The following CCDC102B variants were observed in gnomAD, a reference collection of about 807,000 sequenced individuals.
CCDC102B encodes coiled-coil domain containing 102B, also known as coiled-coil domain-containing protein 102B.
A neutral mutation model predicts 57.4 loss-of-function variants in CCDC102B; 75 were observed. That is an observed-to-expected ratio of 1.31 (90% confidence interval 1.08 to 1.58). The LOEUF is 1.58. Among genes scored for constraint, CCDC102B ranks in the 40% most tolerant of loss-of-function variants. The pLI is 0.00. For missense variants in CCDC102B, 636 were observed against 582.6 expected, an observed-to-expected ratio of 1.09 and a Z score of -0.94; for synonymous variants, 206 against 201.9, an observed-to-expected ratio of 1.02 and a Z score of -0.17.
At chr18:68,962,582 A>G (rs987785818) in intron 6 of CCDC102B, among the ~76,000 whole-genome samples, 1 of 152,054 alleles carries the variant, frequency 6.6e-6, no homozygotes, top group African/African-American at 2.4e-5. Flanking sequence ...TATATTAAGC[A>G]TTTACATTTA....
intron 6 of CCDC102B, among the ~76,000 whole-genome samples, chr18:68,928,888 A>AG (rs2041570014): frequency 6.6e-6 from 1 of 151,812 alleles, no homozygotes; most frequent in Non-Finnish European, 1.5e-5. Context: ...GAGTCGTGGT[A>AG]TCTAACCTCA....
chr18:69,053,596 ACT>A (rs1438489940), intron 7 of CCDC102B, among the ~76,000 whole-genome samples: 1 of 151,686 alleles, frequency 6.6e-6, no homozygotes, highest in African/African-American at 2.4e-5. Flanking sequence ...TACAAAAGAA[ACT>A]CACACATACA....
intron 4 of CCDC102B, among the ~76,000 whole-genome samples, chr18:68,851,109 T>G (rs116855371): frequency 1.6e-4 from 25 of 152,348 alleles, no homozygotes; most frequent in Non-Finnish European, 1.0e-4. Flanking sequence ...ATATGCTTAA[T>G]ATTTGTGATT....
intron 6 of CCDC102B, among the ~76,000 whole-genome samples, chr18:68,953,874 C>T (rs922132151): frequency 1.3e-5 from 2 of 151,916 alleles, no homozygotes; most frequent in African/African-American, 4.8e-5. Context: ...TTACTTTTAT[C>T]ATGCGCTTTA....
chr18:68,951,327 AG>A (rs2049691403), intron 6 of CCDC102B, among the ~76,000 whole-genome samples: 1 of 152,192 alleles, frequency 6.6e-6, no homozygotes, highest in Admixed American at 6.5e-5. Flanking sequence ...ATAAAATTGG[AG>A]TAGTAAGCAG....
At chr18:69,001,805 AAAG>A (rs1472093173) in intron 6 of CCDC102B, among the ~76,000 whole-genome samples, 1 of 152,212 alleles carries the variant, frequency 6.6e-6, no homozygotes, top group Non-Finnish European at 1.5e-5. Context: ...GTAAGGAAGG[AAAG>A]AAGAAAGGAG....
chr18:68,715,267 C>A, exon 1 of CCDC102B: 2 of 1,316,522 alleles, frequency 1.5e-6, no homozygotes, highest in Non-Finnish European at 1.9e-6. Context: ...AGCGTGGGAA[C>A]CCTGCTTAAG....
At chr18:68,931,178 C>A (rs931407719) in intron 6 of CCDC102B, among the ~76,000 whole-genome samples, 1 of 151,498 alleles carries the variant, frequency 6.6e-6, no homozygotes, top group Non-Finnish European at 1.5e-5. Context: ...ATTGTATTGA[C>A]CAGAGAAATT....
At position 69,054,215 on chromosome 18, in the gene CCDC102B, A is replaced by G. The variant is rs1453597074; in HGVS notation, c.*78A>G. 7.0e-7 allele frequency: 1 copy of G among 1,426,684 alleles called. No homozygotes were observed. The highest frequency in any genetic ancestry group is 9.2e-7 in the Non-Finnish European group (1 of 1,091,892). The allele number at this position is 1,426,684 out of a possible 1,614,324, so 88.4% of individuals were successfully genotyped here. The stretch of plus-strand genomic sequence containing the variant: ...TATCCTTTTCTTAAATATCAGTAAA[A>G]TTGTTTTTATTAACTAGAAATATTA... On this transcript the variant is annotated 3_prime_UTR_variant, in exon 8 of 8. Transcript: ENST00000360242.
At chr18:68,750,995 T>C (rs972372099) in intron 2 of CCDC102B, among the ~76,000 whole-genome samples, 1 of 151,820 alleles carries the variant, frequency 6.6e-6, no homozygotes, top group Non-Finnish European at 1.5e-5. Context: ...AACTCAATAC[T>C]TTTCAGTAGT....
intron 4 of CCDC102B, among the ~76,000 whole-genome samples, chr18:68,847,506 T>C (rs960487177): frequency 1.3e-5 from 2 of 151,930 alleles, no homozygotes; most frequent in African/African-American, 2.4e-5. Flanking sequence ...TAAACCTTTA[T>C]TTGAGTAACA....
intron 6 of CCDC102B, among the ~76,000 whole-genome samples, chr18:68,970,504 C>T (rs920261511): frequency 1.3e-5 from 2 of 151,618 alleles, no homozygotes; most frequent in Non-Finnish European, 2.9e-5. Flanking sequence ...GTAAAGTCTT[C>T]ATCATTTGAT....
intron 2 of CCDC102B, among the ~76,000 whole-genome samples, chr18:68,743,707 G>GA (rs1418523501): frequency 6.6e-6 from 1 of 152,156 alleles, no homozygotes; most frequent in East Asian, 1.9e-4. Flanking sequence ...GAGGTTGAGG[G>GA]AAGACTTGGG....
At chr18:68,983,470 G>T (rs974528502) in intron 6 of CCDC102B, among the ~76,000 whole-genome samples, 1 of 151,914 alleles carries the variant, frequency 6.6e-6, no homozygotes, top group Non-Finnish European at 1.5e-5. Context: ...CATTTGGCTG[G>T]TTGGCTATAT....
At chr18:68,891,944 G>A (rs1043810637) in intron 5 of CCDC102B, among the ~76,000 whole-genome samples, 12 of 152,144 alleles carry the variant, frequency 7.9e-5, no homozygotes, top group African/African-American at 2.7e-4. Flanking sequence ...TCCAGGGATA[G>A]CAAGAATAAG....
chr18:68,851,848 A>G (rs1400832728), intron 4 of CCDC102B, among the ~76,000 whole-genome samples: 1 of 152,174 alleles, frequency 6.6e-6, no homozygotes, highest in Admixed American at 6.5e-5. Flanking sequence ...CACAATGGCA[A>G]TGTTTTACAC....
intron 6 of CCDC102B, among the ~76,000 whole-genome samples, chr18:69,006,211 G>A (rs1047071280): frequency 1.3e-4 from 20 of 152,088 alleles, no homozygotes; most frequent in Admixed American, 6.5e-4. Context: ...AAGATACTGC[G>A]ATTTTAGATA....
At chr18:68,958,235 G>C (rs117175580) in intron 6 of CCDC102B, among the ~76,000 whole-genome samples, 1 of 152,108 alleles carries the variant, frequency 6.6e-6, no homozygotes, top group Non-Finnish European at 1.5e-5. Context: ...GATGAGATTT[G>C]GGTAGGGACA....
intron 6 of CCDC102B, among the ~76,000 whole-genome samples, chr18:68,975,606 CA>C (rs752506343): frequency 3.3e-5 from 5 of 151,736 alleles, no homozygotes; most frequent in Non-Finnish European, 7.4e-5. Context: ...CTAAGAACAC[CA>C]GGTCTGTTTC....
Sources: allele counts gnomAD v4.1 joint callset (sites outside exome capture counted in the v4.1 genomes callset), GRCh38; gene constraint gnomAD v4.1.1; transcripts MANE v1.5; gene names NCBI Gene and HGNC (gene_info 2026-07-23, HGNC 2026-07-21).